Variants in ARHGAP45 observed in about 807,000 individuals in gnomAD.
The protein encoded by ARHGAP45 is rho GTPase-activating protein 45.
A neutral mutation model predicts 116.1 loss-of-function variants in ARHGAP45; 56 were observed. That is an observed-to-expected ratio of 0.48 (90% CI 0.39 to 0.60). The LOEUF (loss-of-function observed/expected upper bound fraction) is 0.60. ARHGAP45 is among the 20% of genes least tolerant of loss of function. The pLI is 0.00. For synonymous variants in ARHGAP45, 866 were observed against 701.7 expected, an observed-to-expected ratio of 1.23 and a Z score of -3.70; for missense variants, 1,622 against 1,601.0, an observed-to-expected ratio of 1.01 and a Z score of -0.22.
intron 17 of ARHGAP45, 172 bp from the exon 18 acceptor site, chr19:1,081,378 G>A (rs1373204054): frequency 9.7e-6 from 7 of 721,914 alleles, no homozygotes; most frequent in Non-Finnish European, 1.5e-5. Flanking sequence ...GGAGGCCACA[G>A]GGCAGGCGGG....
chr19:1,070,020 G>T (rs1373331020), intron 2 of ARHGAP45, among the ~76,000 whole-genome samples: 2 of 151,924 alleles, frequency 1.3e-5, no homozygotes, highest in Non-Finnish European at 2.9e-5. Flanking sequence ...TGGTGAGATG[G>T]AGTCTCACTC....
In ARHGAP45 at chr19:1,077,940, G is replaced by T; in HGVS notation, c.1269G>T (p.Val423=). Residue 423 remains valine (V), a synonymous_variant, in exon 11 of 23, where the codon GTG becomes GTT. Transcript: ENST00000313093. Reference sequence around the variant, plus strand: ...ACCACGACAAGGCTCGCTTCCTCGTGGCCAAGGCGGAGGAGGAGCAGGCTG... The same window carrying T: ...ACCACGACAAGGCTCGCTTCCTCGTTGCCAAGGCGGAGGAGGAGCAGGCTG... The part of the protein sequence containing the change: ...CEDHDKARFL[V]AKAEEEQAGS... 1 of 1,553,654 alleles carries T rather than the reference G, an allele frequency of 6.4e-7. No homozygotes were observed. Among genetic ancestry groups the T allele is most frequent in the Non-Finnish European group, 8.7e-7 (1 of 1,148,100 alleles).
upstream of ARHGAP45, chr19:1,066,381 G>A (rs1468886497): frequency 2.6e-5 from 15 of 577,888 alleles, no homozygotes; most frequent in Non-Finnish European, 3.1e-6. Context: ...ACGGGTGCCT[G>A]CGTCCTGCTG....
rs1446938934 is a variant in ARHGAP45, at chr19:1,080,089, C to A, written c.1674C>A (p.Asp558Glu). 1.2e-5 allele frequency: 20 copies of A among 1,612,326 alleles called. No individual in the cohort carries two copies. Among genetic ancestry groups the A allele is most frequent in the Non-Finnish European group, 1.6e-5 (19 of 1,179,886 alleles). Reference protein sequence around the residue: ...QRDQEPDVHYDFEPHVSANAW... With the variant: ...QRDQEPDVHYEFEPHVSANAW... ...ACCAGGAGCCCGATGTGCACTACGACTTTGAGCCCCACGTCTCCGCCAACG... is the reference window on the plus strand; with the variant it reads ...ACCAGGAGCCCGATGTGCACTACGAATTTGAGCCCCACGTCTCCGCCAACG... The change falls in exon 13 of 23, where the codon GAC becomes GAA. Residue 558 changes from aspartate to glutamate, a missense_variant. Physicochemically the swap from Asp to Glu is conservative, Grantham distance 45 (BLOSUM62 2). Around this residue, in one of 3 missense-constraint regions of ARHGAP45, gnomAD observed 1,334 missense variants for 1,263.8 expected, o/e 1.06. Transcript: ENST00000313093.
chr19:1,076,483 C>T (rs866973809), intron 10 of ARHGAP45, among the ~76,000 whole-genome samples: 1,569 of 64,782 alleles, frequency 0.024, 47 homozygotes, highest in African/African-American at 0.086. Flanking sequence ...TGGCAGTAGT[C>T]TTTTTTTTTT....
Position 1,074,363 on chromosome 19 carries a change from C to T in ARHGAP45, c.949C>T (p.Leu317=). Residue 317 remains leucine, a synonymous_variant, in exon 8 of 23, where the codon CTG becomes TTG. Coordinates refer to ENST00000313093, the MANE Select transcript of ARHGAP45 (RefSeq NM_012292.5). ...TTLEMEFAKG[L]QKIAHNCRQS... ...CGCAGAGATGGAGTTTGCCAAGGGC[C>T]TGCAGAAGATCGCTCACAACTGCAG... 6.2e-7 allele frequency: 1 copy of T among 1,606,436 alleles called. No individual in the cohort carries two copies. Among genetic ancestry groups the T allele is most frequent in the Non-Finnish European group, 8.5e-7 (1 of 1,176,580 alleles).
chr19:1,085,754 C>G lies in ARHGAP45; in HGVS notation c.3159C>G (p.Ser1053Arg). The G allele has an allele frequency of 6.2e-7, 1 of 1,612,452 alleles. No homozygotes were observed. Among genetic ancestry groups the G allele is most frequent in the Non-Finnish European group, 8.5e-7 (1 of 1,179,728 alleles). ...SSEASALGHL[S>R]FLEQQQSEAS... ...AGGCCAGTGCCCTGGGCCACCTCAGCTTCCTGGAGCAGCAGCAGAGCGAGG... is the reference window on the plus strand; with the variant it reads ...AGGCCAGTGCCCTGGGCCACCTCAGGTTCCTGGAGCAGCAGCAGAGCGAGG... Residue 1053 changes from serine to arginine, a missense_variant, in exon 23 of 23, where the codon AGC (serine) becomes AGG (arginine). This residue lies in a region of ARHGAP45 where 1,334 missense variants were observed against 1,263.8 expected (regional missense o/e 1.06). Coordinates refer to ENST00000313093, the MANE Select transcript of ARHGAP45 (RefSeq NM_012292.5).
At chr19:1,076,131 G>A (rs2043242346) in intron 10 of ARHGAP45, among the ~76,000 whole-genome samples, 1 of 152,138 alleles carries the variant, frequency 6.6e-6, no homozygotes, top group Admixed American at 6.5e-5. Context: ...CCATTGCTAT[G>A]ACAAGCTTGT....
At chr19:1,082,739 C>A in intron 19 of ARHGAP45, 101 bp from the exon 20 acceptor site, 1 of 1,036,722 alleles carries the variant, frequency 9.6e-7, no homozygotes, top group Non-Finnish European at 1.4e-6. Flanking sequence ...TGGGGTGTGG[C>A]CAGTGCTCTG....
intron 11 of ARHGAP45, 137 bp from the exon 12 acceptor site, chr19:1,079,566 T>C (rs2043365070): frequency 1.9e-6 from 2 of 1,050,108 alleles, no homozygotes; most frequent in East Asian, 4.9e-5. Context: ...CTCGAACTCC[T>C]GGCCTCAAGC....
chr19:1,074,954 A>T (rs2043212407), intron 10 of ARHGAP45, 75 bp downstream of exon 10: 5 of 1,297,628 alleles, frequency 3.9e-6, no homozygotes, highest in East Asian at 5.9e-5. Context: ...CCCCAGCCCC[A>T]TAGCGAGGGC....
chr19:1,079,263 G>A (rs2043353861), intron 11 of ARHGAP45, among the ~76,000 whole-genome samples: 1 of 151,824 alleles, frequency 6.6e-6, no homozygotes, highest in Non-Finnish European at 1.5e-5. Flanking sequence ...CCCTTTGGGA[G>A]GCTGAGACGG....
At position 1,082,056 on chromosome 19, in the gene ARHGAP45, A is replaced by C. The variant is rs561601195; in HGVS notation, c.2517+95A>C. Reference sequence around the variant, plus strand: ...GGGTCCGGGAGCTGGAGCAGGACTGAGCTGGAGCAGGACTGGCGCAAGCGG... The same window carrying C: ...GGGTCCGGGAGCTGGAGCAGGACTGCGCTGGAGCAGGACTGGCGCAAGCGG... On this transcript the variant is annotated intron_variant, in intron 19 of 22. Coordinates refer to ENST00000313093, the MANE Select transcript of ARHGAP45 (RefSeq NM_012292.5). 3.9e-5 allele frequency: 34 copies of C among 870,282 alleles called. No individual in the cohort carries two copies. In the East Asian group the frequency reaches 1.9e-3, roughly 50 times the overall value. The allele number at this position is 870,282 out of a possible 1,614,324, so 53.9% of individuals were successfully genotyped here.
At chr19:1,075,721 C>G (rs2269846) in intron 10 of ARHGAP45, among the ~76,000 whole-genome samples, 71,778 of 152,046 alleles carry the variant, frequency 0.47, 17,448 homozygotes, top group African/African-American at 0.6. Context: ...TGCAATGATC[C>G]TCCCACCTCA....
Position 1,071,204 on chromosome 19 carries a change from G to A in ARHGAP45, c.422-1945G>A. On this transcript the variant is annotated intron_variant, in intron 2 of 22. Coordinates refer to ENST00000313093, the MANE Select transcript of ARHGAP45 (RefSeq NM_012292.5). The surrounding 1 kb of genome is among the most constrained non-coding windows in gnomAD (Gnocchi z 4.6). ...CGGGGGCGGGGCCTCCTGACCGGCC[G>A]GAGCCGGTTTGGCCACCGGAGACCC... 7.1e-7 allele frequency: 1 copy of A among 1,408,104 alleles called. No homozygotes were observed. Among genetic ancestry groups the A allele is most frequent in the Admixed American group, 2.8e-5 (1 of 36,256 alleles). 87.2% of individuals were successfully genotyped at this position (1,408,104 alleles called of 1,614,324 possible).
chr19:1,084,164 T>C (rs1191076226), intron 21 of ARHGAP45, 74 bp from the exon 22 acceptor site: 5 of 1,370,512 alleles, frequency 3.6e-6, no homozygotes, highest in Non-Finnish European at 5.2e-6. Context: ...ACGGGCTGTG[T>C]GGGTGGGTTT....
At chr19:1,066,034 G>A (rs2043023788), upstream of ARHGAP45, 1 of 1,535,490 alleles carries the variant, frequency 6.5e-7, no homozygotes. Context: ...CCATGAGTCG[G>A]GGGCAAAGAG....
chr19:1,084,646 T>A (rs1473881583), intron 22 of ARHGAP45, among the ~76,000 whole-genome samples: 1 of 152,160 alleles, frequency 6.6e-6, no homozygotes, highest in Non-Finnish European at 1.5e-5. Context: ...TAAGTGCCTT[T>A]CCTGCAGGAG....
rs567124425 is a variant in ARHGAP45 at position 1,083,417 on chromosome 19, G to A, written c.2955+64G>A. ...CTTGGGGAGCAGGGGGCGCTGCTGG[G>A]GACAGTCGTTGTCGGATGAAGCCCA... On this transcript the variant is annotated intron_variant, in intron 21 of 22. Coordinates refer to ENST00000313093, the MANE Select transcript of ARHGAP45 (RefSeq NM_012292.5). The A allele has an allele frequency of 2.9e-6, 4 of 1,402,314 alleles. No individual in the cohort carries two copies. In the African/African-American group the frequency reaches 4.3e-5, roughly 15 times the overall value. 86.9% of individuals were successfully genotyped at this position (1,402,314 alleles called of 1,614,324 possible). A position where few individuals can be genotyped will look rare whatever the true frequency, so the allele number is the denominator to read the frequency against.
Sources: allele counts gnomAD v4.1 joint callset (sites outside exome capture counted in the v4.1 genomes callset), GRCh38; gene constraint gnomAD v4.1.1; regional missense constraint gnomAD v4.1.1; non-coding constraint Gnocchi (gnomAD v3.1); transcripts MANE v1.5; gene names NCBI Gene and HGNC (gene_info 2026-07-23, HGNC 2026-07-21).